ENPP6: variants seen among roughly 807,000 people sequenced by gnomAD.
ENPP6 encodes the protein glycerophosphocholine cholinephosphodiesterase ENPP6.
Under a neutral mutation model 42.0 loss-of-function variants are expected in ENPP6, and 32 were observed. The observed-to-expected ratio is 0.76, with a 90% CI of 0.58 to 1.02. The LOEUF (loss-of-function observed/expected upper bound fraction) is 1.02. Ranked by LOEUF, ENPP6 falls within the 50% of genes least tolerant of loss-of-function variation. The pLI, the probability that ENPP6 is intolerant of heterozygous loss-of-function variation, is 0.00. For synonymous variants in ENPP6, 213 were observed against 216.0 expected (o/e 0.99, Z 0.12); for missense variants, 552 against 566.8 (o/e 0.97, Z 0.27).
chr4:184,123,831 G>A (rs376241612), intron 3 of ENPP6, among the ~76,000 whole-genome samples: 9 of 152,262 alleles, frequency 5.9e-5, no homozygotes, highest in African/African-American at 2.2e-4. Context: ...ATACTGATTA[G>A]TACCTTCAGA....
Position 184,162,547 on chromosome 4 carries a change from A to AGAAGGAGGGAGGGAAGGAAGGAAAGAAG in ENPP6, c.242-8815_242-8814insCTTCTTTCCTTCCTTCCCTCCCTCCTTC, listed in dbSNP as rs112158447. Among the ~76,000 whole-genome samples, 234 of 34,564 alleles carry AGAAGGAGGGAGGGAAGGAAGGAAAGAAG rather than the reference A, an allele frequency of 6.8e-3. 1 individual carries two copies. Among genetic ancestry groups the AGAAGGAGGGAGGGAAGGAAGGAAAGAAG allele is most frequent in the Middle Eastern group, 0.015 (1 of 66 alleles). 22.7% of individuals were successfully genotyped at this position (34,564 alleles called of 152,430 possible). On this transcript the variant is annotated intron_variant, in intron 1 of 7. Transcript: ENST00000296741. ...GAAAGGAAGGAAAGGGAGGGAGGGA[A>AGAAGGAGGGAGGGAAGGAAGGAAAGAAG]GAAGGAAGGAAAGAAGGAAGGAAGG...
intron 2 of ENPP6, 140 bp downstream of exon 2, chr4:184,153,414 G>A (rs974185282): frequency 1.9e-5 from 19 of 979,666 alleles, no homozygotes; most frequent in South Asian, 1.0e-4. Flanking sequence ...CTGAGCCACC[G>A]TGCCCAGCCA....
Position 184,090,828 on chromosome 4 carries a change from G to T in ENPP6, c.*349C>A, listed in dbSNP as rs536493380. On this transcript the variant is annotated 3_prime_UTR_variant, in exon 8 of 8. Coordinates refer to ENST00000296741, the MANE Select transcript of ENPP6 (RefSeq NM_153343.4). The stretch of plus-strand genomic sequence containing the variant: ...TTTGTGCAAGGTGGGACAGAGAGGG[G>T]CCCAGAGCCACGTCTGTCTGCAATA... The T allele has an allele frequency of 1.2e-5, 5 of 411,612 alleles. No individual in the cohort carries two copies. In the South Asian group the frequency reaches 3.4e-4, roughly 28 times the overall value. The allele number at this position is 411,612 out of a possible 1,614,324, so 25.5% of individuals were successfully genotyped here. A position where few individuals can be genotyped will look rare whatever the true frequency, so the allele number is the denominator to read the frequency against.
chr4:184,092,083 A>G (rs1269077865), intron 7 of ENPP6, among the ~76,000 whole-genome samples: 3 of 152,124 alleles, frequency 2.0e-5, no homozygotes, highest in Non-Finnish European at 4.4e-5. Flanking sequence ...ATTAAATGCT[A>G]TGTCATTTTT....
chr4:184,090,336 G>A lies in ENPP6; in HGVS notation c.*841C>T, dbSNP rs1390142338. ...GCATGTCTGAGGAAGCCTTTGCACAGGTGAACGGACAGGGAAGGCAGGCAG... is the reference window on the plus strand; with the variant it reads ...GCATGTCTGAGGAAGCCTTTGCACAAGTGAACGGACAGGGAAGGCAGGCAG... On this transcript the variant is annotated 3_prime_UTR_variant, in exon 8 of 8. Transcript: ENST00000296741. The A allele has an allele frequency of 6.6e-6, 1 of 152,320 alleles. No homozygotes were observed. The highest frequency in any genetic ancestry group is 2.4e-5 in the African/African-American group (1 of 41,478). 9.4% of individuals were successfully genotyped at this position (152,320 alleles called of 1,614,324 possible). A position where few individuals can be genotyped will look rare whatever the true frequency, so the allele number is the denominator to read the frequency against.
intron 1 of ENPP6, among the ~76,000 whole-genome samples, chr4:184,208,602 C>G (rs1288079890): frequency 1.3e-5 from 2 of 151,388 alleles, no homozygotes; most frequent in Admixed American, 6.6e-5. Context: ...CCCACGGAGT[C>G]TCGCTGATTG....
chr4:184,181,602 C>T (rs1015894871), intron 1 of ENPP6, among the ~76,000 whole-genome samples: 4 of 152,218 alleles, frequency 2.6e-5, no homozygotes, highest in African/African-American at 4.8e-5. Context: ...TGCTACCTGA[C>T]TTCAAACTAT....
chr4:184,116,352 A>G (rs778749088), intron 5 of ENPP6, among the ~76,000 whole-genome samples: 4 of 152,180 alleles, frequency 2.6e-5, no homozygotes, highest in South Asian at 2.1e-4. Context: ...CAGAGACTTG[A>G]TAGAGGTCAC....
At position 184,089,304 on chromosome 4, in the gene ENPP6, G is replaced by C. The variant is rs781237400; in HGVS notation, c.*1873C>G. ...CTTTGCTCTCATGATTCATGGCATG[G>C]AGACAGCACCCAGCTTTCCTGAATC... On this transcript the variant is annotated 3_prime_UTR_variant, in exon 8 of 8. Transcript: ENST00000296741. The C allele has an allele frequency of 1.3e-5, 2 of 152,108 alleles. No homozygotes were observed. The highest frequency in any genetic ancestry group is 2.9e-5 in the Non-Finnish European group (2 of 68,028). The allele number at this position is 152,108 out of a possible 1,614,324, so 9.4% of individuals were successfully genotyped here.
At chr4:184,153,034 A>T (rs1187780810) in intron 2 of ENPP6, among the ~76,000 whole-genome samples, 2 of 151,846 alleles carry the variant, frequency 1.3e-5, no homozygotes, top group African/African-American at 4.8e-5. Flanking sequence ...TTGCTATGTC[A>T]AGAGAATCAG....
At chr4:184,172,259 A>G (rs1378168783) in intron 1 of ENPP6, among the ~76,000 whole-genome samples, 1 of 152,152 alleles carries the variant, frequency 6.6e-6, no homozygotes, top group East Asian at 1.9e-4. Context: ...TCTTCCTTAT[A>G]GAAAGGTGCC....
chr4:184,194,307 C>T (rs1193753034), intron 1 of ENPP6, among the ~76,000 whole-genome samples: 1 of 152,198 alleles, frequency 6.6e-6, no homozygotes, highest in Non-Finnish European at 1.5e-5. Flanking sequence ...TGCGTGCTCC[C>T]CCTCATCTTC....
chr4:184,139,258 T>C (rs1579630252), intron 2 of ENPP6, among the ~76,000 whole-genome samples: 1 of 151,752 alleles, frequency 6.6e-6, no homozygotes, highest in East Asian at 1.9e-4. Flanking sequence ...GGCAAAGAAA[T>C]GGAGCGTGGA....
At chr4:184,108,310 A>C (rs962668705) in intron 6 of ENPP6, among the ~76,000 whole-genome samples, 16 of 152,236 alleles carry the variant, frequency 1.1e-4, no homozygotes, top group African/African-American at 3.1e-4. Flanking sequence ...ACAGATGTGA[A>C]GTCTAAGCCA....
At chr4:184,157,810 G>A (rs1447913334) in intron 1 of ENPP6, among the ~76,000 whole-genome samples, 1 of 142,490 alleles carries the variant, frequency 7.0e-6, no homozygotes, top group African/African-American at 2.6e-5. Context: ...TGTAGAGACA[G>A]GGTTTTGCCA....
intron 1 of ENPP6, among the ~76,000 whole-genome samples, chr4:184,174,372 A>G (rs185547223): frequency 2.0e-5 from 3 of 152,076 alleles, no homozygotes; most frequent in African/African-American, 7.2e-5. Flanking sequence ...CAACCAATCA[A>G]TGACAGAAGG....
chr4:184,091,120 G>T lies in ENPP6; in HGVS notation c.*57C>A. On this transcript the variant is annotated 3_prime_UTR_variant, in exon 8 of 8. Transcript: ENST00000296741. ...TCACACATAAAATGAAAATCATCTG[G>T]CTTTGGAGGCCCACTTTGCTGATGG... 1.4e-6 allele frequency: 2 copies of T among 1,467,852 alleles called. No homozygotes were observed. The highest frequency in any genetic ancestry group is 9.1e-7 in the Non-Finnish European group (1 of 1,102,130). 90.9% of individuals were successfully genotyped at this position (1,467,852 alleles called of 1,614,324 possible).
intron 7 of ENPP6, among the ~76,000 whole-genome samples, chr4:184,092,822 T>A (rs1249925914): frequency 6.6e-6 from 1 of 152,256 alleles, no homozygotes; most frequent in Non-Finnish European, 1.5e-5. Context: ...CCAAGTTTTT[T>A]AAGATATTAG....
chr4:184,214,486 C>T (rs1048955287), intron 1 of ENPP6, among the ~76,000 whole-genome samples: 3 of 152,156 alleles, frequency 2.0e-5, no homozygotes, highest in Admixed American at 1.3e-4. Context: ...AGGGAGTTTC[C>T]GCTATTTGCA....
Sources: gnomAD v4.1 joint callset for allele counts (sites outside exome capture counted in the v4.1 genomes callset) on GRCh38, gnomAD v4.1.1 for gene constraint, MANE v1.5 for transcripts, NCBI Gene and HGNC (gene_info 2026-07-23, HGNC 2026-07-21) for gene names.